The following FREM1 variants were observed in gnomAD, a reference collection of about 807,000 sequenced individuals.
FREM1 encodes FRAS1-related extracellular matrix protein 1.
A neutral mutation model predicts 210.1 loss-of-function variants in FREM1; 220 were observed. The observed-to-expected ratio is 1.05, with a 90% CI of 0.94 to 1.17. The LOEUF (loss-of-function observed/expected upper bound fraction) is 1.17. Ranked by LOEUF, FREM1 falls within the 50% of genes most tolerant of loss-of-function variation. The pLI, the probability that FREM1 is intolerant of heterozygous loss-of-function variation, is 0.00. For missense variants in FREM1, 3,454 were observed against 2,675.5 expected, an observed-to-expected ratio of 1.29 and a Z score of -6.42; for synonymous variants, 1,189 against 980.2, an observed-to-expected ratio of 1.21 and a Z score of -3.98.
intron 24 of FREM1, among the ~76,000 whole-genome samples, chr9:14,781,423 T>A (rs1401580383): frequency 6.6e-6 from 1 of 152,218 alleles, no homozygotes; most frequent in Non-Finnish European, 1.5e-5. Flanking sequence ...TTTTGCCATA[T>A]GCCTGTACTA....
intron 2 of FREM1, 41 bp downstream of exon 2, chr9:14,868,703 T>C (rs563501995): frequency 7.9e-7 from 1 of 1,268,856 alleles, no homozygotes; most frequent in Non-Finnish European, 1.1e-6. Flanking sequence ...ACACTTGCAT[T>C]CATACACACG....
chr9:14,805,158 G>C lies in FREM1; in HGVS notation c.3275-6C>G, dbSNP rs1176460122. ...GTCTTTCCACTGAAATGAATCTAGAGCACACCAAGATGGAACAGATAAATA... is the reference window on the plus strand; with the variant it reads ...GTCTTTCCACTGAAATGAATCTAGACCACACCAAGATGGAACAGATAAATA... On this transcript the variant is annotated splice_polypyrimidine_tract_variant and splice_region_variant and intron_variant, in intron 18 of 36. Coordinates refer to ENST00000380880, the MANE Select transcript of FREM1 (RefSeq NM_001379081.2). The C allele has an allele frequency of 3.9e-6, 6 of 1,531,228 alleles. No individual in the cohort carries two copies. In the East Asian group the frequency reaches 6.8e-5, roughly 17 times the overall value. 94.9% of individuals were successfully genotyped at this position (1,531,228 alleles called of 1,614,324 possible).
intron 1 of FREM1, among the ~76,000 whole-genome samples, chr9:14,891,269 T>C (rs1836774790): frequency 6.6e-6 from 1 of 152,250 alleles, no homozygotes; most frequent in African/African-American, 2.4e-5. Flanking sequence ...GAGTATGACA[T>C]ATCATCTGTT....
At chr9:14,791,339 G>C (rs181092540) in intron 22 of FREM1, among the ~76,000 whole-genome samples, 1 of 152,302 alleles carries the variant, frequency 6.6e-6, no homozygotes, top group African/African-American at 2.4e-5. Context: ...CCTACCCCTA[G>C]AATCCTCCCT....
chr9:14,780,762 A>G (rs976719926), intron 24 of FREM1, among the ~76,000 whole-genome samples: 3 of 152,194 alleles, frequency 2.0e-5, no homozygotes, highest in Non-Finnish European at 4.4e-5. Flanking sequence ...TTCCTTGCCA[A>G]ATTTAACAGC....
At chr9:14,777,369 T>C (rs908744714) in intron 24 of FREM1, among the ~76,000 whole-genome samples, 4 of 150,476 alleles carry the variant, frequency 2.7e-5, no homozygotes, top group African/African-American at 9.7e-5. Flanking sequence ...CAAGGCACAA[T>C]ATTAAAACTC....
intron 20 of FREM1, among the ~76,000 whole-genome samples, chr9:14,799,979 G>A (rs1853223633): frequency 7.7e-6 from 1 of 129,034 alleles, no homozygotes; most frequent in African/African-American, 3.1e-5. Context: ...CCCAGAGTGT[G>A]ATGTTCCCCT....
At chr9:14,805,276 C>T (rs539543924) in intron 18 of FREM1, 124 bp from the exon 19 acceptor site, 6 of 515,166 alleles carry the variant, frequency 1.2e-5, no homozygotes, top group African/African-American at 1.9e-5. Context: ...TAGCAGTTGA[C>T]CTAAGTATCT....
chr9:14,800,105 A>G (rs1291937526), intron 20 of FREM1, among the ~76,000 whole-genome samples: 2 of 152,068 alleles, frequency 1.3e-5, no homozygotes, highest in Non-Finnish European at 2.9e-5. Context: ...CAACAATTAC[A>G]AAAAAACCTT....
At chr9:14,753,163 T>A (rs1354183394) in intron 29 of FREM1, among the ~76,000 whole-genome samples, 2 of 152,250 alleles carry the variant, frequency 1.3e-5, no homozygotes, top group Non-Finnish European at 2.9e-5. Context: ...ACTGGCTCCC[T>A]GTTCCCACAA....
At position 14,776,147 on chromosome 9, in the gene FREM1, T is replaced by C. The variant is rs281875280; in HGVS notation, c.4499A>G (p.Glu1500Gly). 2 of 1,562,082 alleles carry C rather than the reference T, an allele frequency of 1.3e-6. No individual in the cohort carries two copies. Among genetic ancestry groups the C allele is most frequent in the South Asian group, 1.2e-5 (1 of 81,926 alleles). ...TEHGVFEITL[E>G]TVDRALPVVT... The stretch of plus-strand genomic sequence containing the variant: ...CACAGGCAGGGCTCTGTCCACAGTC[T>C]CCAGTGTGATCTCAAACACCCCGTG... The change falls in exon 25 of 37, where the codon GAG becomes GGG. Residue 1500 changes from glutamate to glycine, a missense_variant. Transcript: ENST00000380880.
At chr9:14,886,580 G>A (rs545359527) in intron 1 of FREM1, among the ~76,000 whole-genome samples, 2 of 152,064 alleles carry the variant, frequency 1.3e-5, no homozygotes, top group Non-Finnish European at 2.9e-5. Flanking sequence ...TAAAATGCTA[G>A]TCAGAAGCTA....
At chr9:14,852,085 T>C (rs1029599243) in intron 5 of FREM1, among the ~76,000 whole-genome samples, 5 of 152,202 alleles carry the variant, frequency 3.3e-5, no homozygotes, top group Non-Finnish European at 5.9e-5. Flanking sequence ...AATCTGGCAC[T>C]CACCAACAAC....
intron 2 of FREM1, among the ~76,000 whole-genome samples, chr9:14,866,309 T>A (rs577828692): frequency 6.6e-6 from 1 of 152,212 alleles, no homozygotes; most frequent in African/African-American, 2.4e-5. Context: ...TTCTAGTCAC[T>A]TGGATCCCTT....
At chr9:14,827,765 G>A (rs184534756) in intron 10 of FREM1, among the ~76,000 whole-genome samples, 26 of 152,300 alleles carry the variant, frequency 1.7e-4, no homozygotes, top group Admixed American at 3.9e-4. Context: ...AGGACAGAAT[G>A]GTTTCAAGGG....
At position 14,833,088 on chromosome 9, in the gene FREM1, G is replaced by A. The variant is rs376373229; in HGVS notation, c.1882-8096C>T. Among the ~76,000 whole-genome samples, 15 of 152,180 alleles carry A rather than the reference G, an allele frequency of 9.9e-5. 1 individual carries two copies. The East Asian group carries it at 2.7e-3, about 27-fold the overall frequency. On this transcript the variant is annotated intron_variant, in intron 10 of 36. Transcript: ENST00000380880. ...TCTCTGCCATTTTACCGTGGTGGCT[G>A]TCTTCTTGTGCTAAGTCAGTGCCTG...
intron 6 of FREM1, among the ~76,000 whole-genome samples, 173 bp from the exon 7 acceptor site, chr9:14,848,946 C>T (rs1827177038): frequency 2.0e-5 from 3 of 152,214 alleles, no homozygotes; most frequent in Admixed American, 2.0e-4. Flanking sequence ...GGTTCTAGAT[C>T]TTGTTCCTTA....
chr9:14,754,213 C>T (rs1370105376), intron 29 of FREM1, among the ~76,000 whole-genome samples: 1 of 152,164 alleles, frequency 6.6e-6, no homozygotes, highest in Non-Finnish European at 1.5e-5. Flanking sequence ...GTTGGAAGTG[C>T]CTTAACATGA....
At chr9:14,812,107 C>T (rs1819507945) in intron 16 of FREM1, among the ~76,000 whole-genome samples, 1 of 152,112 alleles carries the variant, frequency 6.6e-6, no homozygotes, top group African/African-American at 2.4e-5. Context: ...GTTTTGTCTA[C>T]CCATTTAAGT....
Sources: allele counts gnomAD v4.1 joint callset (sites outside exome capture counted in the v4.1 genomes callset), GRCh38; gene constraint gnomAD v4.1.1; transcripts MANE v1.5; gene names NCBI Gene and HGNC (gene_info 2026-07-23, HGNC 2026-07-21).